The following COL13A1 variants were observed in gnomAD, a reference collection of about 807,000 sequenced individuals.
The protein encoded by COL13A1 is collagen alpha-1(XIII) chain.
COL13A1 carries 89 observed loss-of-function variants against 130.9 expected under a neutral mutation model. The ratio of observed to expected loss-of-function variants is 0.68; its 90% CI spans 0.57 to 0.81. The LOEUF (loss-of-function observed/expected upper bound fraction) is 0.81, where lower values mean the gene tolerates loss of function less well. Among genes scored for constraint, COL13A1 ranks in the 30% least tolerant of loss-of-function variants. The pLI, the probability that COL13A1 is intolerant of heterozygous loss-of-function variation, is 0.00. For missense variants in COL13A1, 879 were observed against 934.6 expected (o/e 0.94, Z 0.78); for synonymous variants, 402 against 341.6 (o/e 1.18, Z -1.95).
At chr10:69,876,792 A>G (rs567041666) in intron 5 of COL13A1, among the ~76,000 whole-genome samples, 11 of 152,312 alleles carry the variant, frequency 7.2e-5, no homozygotes, top group Non-Finnish European at 1.5e-4. Context: ...AATAGGGTGG[A>G]GTTGGGTTTT....
intron 8 of COL13A1, among the ~76,000 whole-genome samples, 187 bp downstream of exon 8, chr10:69,887,678 A>G (rs1018194778): frequency 3.3e-5 from 5 of 152,222 alleles, no homozygotes; most frequent in African/African-American, 1.2e-4. Flanking sequence ...GTCATGATGC[A>G]AGGAATAAAT....
intron 2 of COL13A1, among the ~76,000 whole-genome samples, chr10:69,837,812 GA>G (rs59252609): frequency 0.71 from 107,975 of 152,106 alleles, 38,753 homozygotes; most frequent in South Asian, 0.84. Flanking sequence ...ACGCAGAGAA[GA>G]AGACAGATTT....
At chr10:69,851,921 C>G (rs1385908794) in intron 2 of COL13A1, among the ~76,000 whole-genome samples, 1 of 152,218 alleles carries the variant, frequency 6.6e-6, no homozygotes, top group African/African-American at 2.4e-5. Flanking sequence ...TCCCAAAGTG[C>G]TGGGATTACA....
intron 2 of COL13A1, among the ~76,000 whole-genome samples, chr10:69,844,145 C>T (rs984194484): frequency 3.9e-5 from 6 of 152,108 alleles, no homozygotes; most frequent in East Asian, 1.9e-4. Flanking sequence ...GGATTTGAGT[C>T]GGAGAGGGCA....
intron 2 of COL13A1, among the ~76,000 whole-genome samples, chr10:69,855,073 C>G (rs1047965416): frequency 6.6e-6 from 1 of 152,214 alleles, no homozygotes; most frequent in South Asian, 2.1e-4. Context: ...TCCGTGTAAC[C>G]TATGGAGCCT....
intron 1 of COL13A1, among the ~76,000 whole-genome samples, chr10:69,806,966 C>T (rs936673670): frequency 5.9e-5 from 9 of 152,134 alleles, no homozygotes; most frequent in African/African-American, 2.2e-4. Context: ...GAGATCGAGC[C>T]ATTGCACTCC....
chr10:69,942,442 T>C (rs2067775019), intron 35 of COL13A1, among the ~76,000 whole-genome samples: 1 of 152,162 alleles, frequency 6.6e-6, no homozygotes, highest in South Asian at 2.1e-4. Flanking sequence ...GTGGTTGCAA[T>C]CAGAGAAACC....
At chr10:69,845,550 G>A (rs1356737394) in intron 2 of COL13A1, among the ~76,000 whole-genome samples, 1 of 151,890 alleles carries the variant, frequency 6.6e-6, no homozygotes, top group Non-Finnish European at 1.5e-5. Flanking sequence ...CACCAAAGTA[G>A]GCATCCCCAA....
At chr10:69,855,122 A>C (rs1856034025) in intron 2 of COL13A1, among the ~76,000 whole-genome samples, 1 of 152,214 alleles carries the variant, frequency 6.6e-6, no homozygotes, top group Admixed American at 6.5e-5. Context: ...AGATAGGCTG[A>C]GTTATAAAGA....
chr10:69,909,335 G>A (rs570824802), intron 17 of COL13A1, among the ~76,000 whole-genome samples: 1 of 152,146 alleles, frequency 6.6e-6, no homozygotes, highest in Non-Finnish European at 1.5e-5. Context: ...CTCTTCTCCG[G>A]TAGCCTCTTC....
At chr10:69,910,235 T>C (rs1316489509) in intron 17 of COL13A1, among the ~76,000 whole-genome samples, 2 of 149,874 alleles carry the variant, frequency 1.3e-5, no homozygotes, top group Non-Finnish European at 2.9e-5. Context: ...GAAGGGTGGC[T>C]TGGTCTCAGG....
Position 69,921,868 on chromosome 10 carries a change from G to T in COL13A1, c.1090-14G>T. The T allele has an allele frequency of 6.2e-7, 1 of 1,600,850 alleles. No individual in the cohort carries two copies. Among genetic ancestry groups the T allele is most frequent in the East Asian group, 2.3e-5 (1 of 44,334 alleles). ...ACAGTTCCTAACCCCCACACTGTCT[G>T]CATCTCCCTGCAGGGTGAGAAGGGG... is the stretch of plus-strand genomic sequence containing the variant. On this transcript the variant is annotated splice_polypyrimidine_tract_variant and intron_variant, in intron 21 of 40. Transcript: ENST00000645393.
At chr10:69,892,625 A>G (rs1287251443) in intron 10 of COL13A1, among the ~76,000 whole-genome samples, 3 of 152,192 alleles carry the variant, frequency 2.0e-5, no homozygotes, top group Non-Finnish European at 2.9e-5. Context: ...CGCCTTAGCT[A>G]TGCCTCAGTG....
intron 3 of COL13A1, among the ~76,000 whole-genome samples, chr10:69,871,356 C>T (rs143702193): frequency 5.1e-4 from 77 of 152,236 alleles, no homozygotes; most frequent in East Asian, 2.9e-3. Flanking sequence ...GGGACACATT[C>T]GTGAATGAAA....
At position 69,887,497 on chromosome 10, in the gene COL13A1, T is replaced by C; in HGVS notation, c.549+6T>C. On this transcript the variant is annotated splice_donor_region_variant and intron_variant, in intron 8 of 40. Transcript: ENST00000645393. ...GAGGTTTCCCTGGATTTCCGGTAAG[T>C]GGAGAAGGCTGAAGTTAGCTGTGTC... 1.2e-6 allele frequency: 2 copies of C among 1,613,184 alleles called. No individual in the cohort carries two copies. Among genetic ancestry groups the C allele is most frequent in the South Asian group, 1.1e-5 (1 of 90,980 alleles).
chr10:69,940,741 C>T (rs138981145), intron 34 of COL13A1, among the ~76,000 whole-genome samples: 19 of 152,256 alleles, frequency 1.2e-4, no homozygotes, highest in Non-Finnish European at 1.9e-4. Context: ...TGGCCATCTG[C>T]GCCGACCTCC....
intron 17 of COL13A1, among the ~76,000 whole-genome samples, chr10:69,913,673 T>C (rs1479893342): frequency 6.6e-6 from 1 of 152,072 alleles, no homozygotes; most frequent in Non-Finnish European, 1.5e-5. Context: ...ATAATGACTC[T>C]CACCTCCCCA....
chr10:69,900,997 C>T (rs2062127928), intron 14 of COL13A1, among the ~76,000 whole-genome samples: 1 of 152,196 alleles, frequency 6.6e-6, no homozygotes, highest in African/African-American at 2.4e-5. Context: ...TAGAAACCCA[C>T]AAAAAATATA....
chr10:69,816,148 G>A (rs2763368), intron 1 of COL13A1, among the ~76,000 whole-genome samples: 97,152 of 148,556 alleles, frequency 0.65, 31,999 homozygotes, highest in South Asian at 0.68. Flanking sequence ...GGCAGAAGTC[G>A]GGCATTCGTT....
Sources: allele counts gnomAD v4.1 joint callset (sites outside exome capture counted in the v4.1 genomes callset), GRCh38; gene constraint gnomAD v4.1.1; transcripts MANE v1.5; gene names NCBI Gene and HGNC (gene_info 2026-07-23, HGNC 2026-07-21).